CALN1: variants seen among roughly 807,000 people sequenced by gnomAD.
CALN1 encodes the protein calneuron 1.
A neutral mutation model predicts 30.6 loss-of-function variants in CALN1; 17 were observed. The observed-to-expected ratio is 0.56, with a 90% confidence interval of 0.38 to 0.83. CALN1 has a LOEUF of 0.83. Among genes scored for constraint, CALN1 ranks in the 40% least tolerant of loss-of-function variants. The probability of loss-of-function intolerance (pLI) is 0.00; values close to 1 mark genes in which losing one functional copy is unlikely to be tolerated. For missense variants in CALN1, 291 were observed against 354.9 expected (o/e 0.82, Z 1.45); for synonymous variants, 156 against 131.4 (o/e 1.19, Z -1.28).
At chr7:72,288,590 G>C (rs939311391) in intron 2 of CALN1, among the ~76,000 whole-genome samples, 2 of 152,198 alleles carry the variant, frequency 1.3e-5, no homozygotes, top group Non-Finnish European at 2.9e-5. Context: ...TCCACCATTA[G>C]TCTAGGAGTG....
chr7:72,292,889 G>C (rs1021033447), intron 2 of CALN1, among the ~76,000 whole-genome samples: 2 of 151,408 alleles, frequency 1.3e-5, no homozygotes, highest in Non-Finnish European at 2.9e-5. Context: ...ATTACAGGGG[G>C]CTGGGAAACC....
intron 3 of CALN1, among the ~76,000 whole-genome samples, chr7:72,114,690 T>C (rs864168): frequency 9.9e-5 from 15 of 152,096 alleles, no homozygotes; most frequent in African/African-American, 3.6e-4. Context: ...CAGAGGGAAG[T>C]GTGCTAGAAA....
At chr7:72,060,058 G>A (rs992547854) in intron 4 of CALN1, among the ~76,000 whole-genome samples, 1 of 152,128 alleles carries the variant, frequency 6.6e-6, no homozygotes, top group Non-Finnish European at 1.5e-5. Context: ...AAGACCCCGG[G>A]CAGTGGGCAT....
At chr7:72,088,298 T>TC (rs1490648148) in intron 4 of CALN1, among the ~76,000 whole-genome samples, 5 of 152,154 alleles carry the variant, frequency 3.3e-5, no homozygotes, top group Non-Finnish European at 5.9e-5. Flanking sequence ...AATGATTACA[T>TC]CCTAAGCCAA....
chr7:71,870,541 T>C (rs1361503333), intron 5 of CALN1, among the ~76,000 whole-genome samples: 4 of 152,216 alleles, frequency 2.6e-5, no homozygotes, highest in Non-Finnish European at 1.5e-5. Context: ...AGAAAGATAA[T>C]ATATTACAAT....
intron 4 of CALN1, among the ~76,000 whole-genome samples, chr7:72,071,532 T>C (rs1181928479): frequency 6.6e-6 from 1 of 152,004 alleles, no homozygotes; most frequent in Admixed American, 6.6e-5. Flanking sequence ...CATGAAAAGG[T>C]GCAGGCTCAG....
intron 5 of CALN1, among the ~76,000 whole-genome samples, chr7:71,904,317 G>A (rs1328057713): frequency 6.6e-6 from 1 of 152,110 alleles, no homozygotes; most frequent in Non-Finnish European, 1.5e-5. Context: ...AAGGATGAAT[G>A]GGTAAAGAAA....
intron 2 of CALN1, among the ~76,000 whole-genome samples, chr7:72,353,016 C>T (rs1016165024): frequency 6.6e-6 from 1 of 152,032 alleles, no homozygotes; most frequent in Non-Finnish European, 1.5e-5. Context: ...TTTTAAGAAA[C>T]ACAAATTACC....
At chr7:72,113,879 C>T (rs1807751711) in intron 3 of CALN1, among the ~76,000 whole-genome samples, 1 of 152,070 alleles carries the variant, frequency 6.6e-6, no homozygotes, top group Non-Finnish European at 1.5e-5. Context: ...AGACCAAGAG[C>T]TCAGGCATCA....
intron 4 of CALN1, among the ~76,000 whole-genome samples, chr7:72,089,366 A>T (rs1307928676): frequency 3.9e-5 from 6 of 152,176 alleles, no homozygotes; most frequent in Non-Finnish European, 8.8e-5. Flanking sequence ...AACCGTAGTC[A>T]CAAAATAATA....
intron 5 of CALN1, among the ~76,000 whole-genome samples, chr7:71,951,875 G>A (rs1466102095): frequency 6.6e-6 from 1 of 152,052 alleles, no homozygotes; most frequent in Non-Finnish European, 1.5e-5. Context: ...CTTGCAGAAT[G>A]GTGGATCTTC....
At chr7:72,214,462 G>A (rs761082836) in intron 3 of CALN1, among the ~76,000 whole-genome samples, 1 of 151,952 alleles carries the variant, frequency 6.6e-6, no homozygotes, top group Non-Finnish European at 1.5e-5. Context: ...CTGGGAGACA[G>A]AGCAGGACTC....
chr7:72,405,848 A>T (rs931405848), intron 1 of CALN1, among the ~76,000 whole-genome samples: 3 of 152,144 alleles, frequency 2.0e-5, no homozygotes, highest in Non-Finnish European at 4.4e-5. Context: ...ATATGCAAAA[A>T]CTTCTGAATA....
chr7:72,450,419 C>T (rs1446611061), upstream of CALN1, among the ~76,000 whole-genome samples: 2 of 152,180 alleles, frequency 1.3e-5, no homozygotes, highest in Non-Finnish European at 2.9e-5. Flanking sequence ...CCCCAGCGCC[C>T]AGTGGGCCAT....
intron 2 of CALN1, among the ~76,000 whole-genome samples, chr7:72,323,031 A>C (rs1200868391): frequency 2.0e-5 from 3 of 151,782 alleles, no homozygotes; most frequent in African/African-American, 7.3e-5. Flanking sequence ...CACGCAAAAA[A>C]ACCAATTTGT....
chr7:72,111,155 G>C (rs1197491463), intron 3 of CALN1, among the ~76,000 whole-genome samples: 2 of 152,202 alleles, frequency 1.3e-5, no homozygotes, highest in Non-Finnish European at 2.9e-5. Flanking sequence ...TTAGACACTA[G>C]TATGCCAATT....
intron 5 of CALN1, among the ~76,000 whole-genome samples, chr7:71,849,431 T>G (rs1226804951): frequency 8.9e-6 from 1 of 112,092 alleles, no homozygotes; most frequent in Non-Finnish European, 1.8e-5. Flanking sequence ...ATCTTGGATC[T>G]TCCTATTTTT....
rs371119859 is a variant in CALN1, at chr7:71,927,355, G to A, written c.501+96302C>T. 9.2e-5 allele frequency among the ~76,000 whole-genome samples: 14 copies of A among 152,130 alleles called. No individual in the cohort carries two copies. In the East Asian group the frequency reaches 9.7e-4, roughly 11 times the overall value. ...CTCCTGAGTAGCTGAGACCACAGGC[G>A]TGCACCACCATGCCTGGCTAATTTT... On this transcript the variant is annotated intron_variant, in intron 5 of 6. Coordinates refer to ENST00000395275, the MANE Select transcript of CALN1 (RefSeq NM_031468.4).
chr7:72,220,313 T>C (rs13308547), intron 3 of CALN1, among the ~76,000 whole-genome samples: 4 of 151,462 alleles, frequency 2.6e-5, no homozygotes, highest in Admixed American at 6.6e-5. Context: ...GTCCTTGCGA[T>C]AGTTTGCTGA....
Sources: allele counts gnomAD v4.1 joint callset (sites outside exome capture counted in the v4.1 genomes callset), GRCh38; gene constraint gnomAD v4.1.1; transcripts MANE v1.5; gene names NCBI Gene and HGNC (gene_info 2026-07-23, HGNC 2026-07-21).